NKD2: variants seen among roughly 807,000 people sequenced by gnomAD.
NKD2 encodes NKD inhibitor of Wnt signaling pathway 2, also known as protein naked cuticle homolog 2.
A neutral mutation model predicts 34.8 loss-of-function variants in NKD2; 43 were observed. The ratio of observed to expected loss-of-function variants is 1.24; its 90% CI spans 0.97 to 1.60. The LOEUF (loss-of-function observed/expected upper bound fraction) is 1.60, where lower values mean the gene tolerates loss of function less well. NKD2 is among the 40% of genes most tolerant of loss of function. NKD2 has a pLI of 0.00. For synonymous variants in NKD2, 278 were observed against 265.1 expected (o/e 1.05, Z -0.47); for missense variants, 675 against 627.1 (o/e 1.08, Z -0.82).
chr5:1,033,636 T>G (rs1560997507), intron 5 of NKD2, 137 bp downstream of exon 5: 1 of 1,098,742 alleles, frequency 9.1e-7, no homozygotes, highest in Non-Finnish European at 1.3e-6. Context: ...TCACCCCGTT[T>G]AAGGCATTGA....
At chr5:1,015,594 T>C (rs987645792) in intron 3 of NKD2, among the ~76,000 whole-genome samples, 3 of 152,096 alleles carry the variant, frequency 2.0e-5, no homozygotes, top group African/African-American at 7.2e-5. Flanking sequence ...ATGACACCCC[T>C]AGGGAGTTGG....
In NKD2 at chr5:1,037,693, C is replaced by A. The variant is rs752392533; in HGVS notation, c.788-112C>A. 73 of 1,539,432 alleles carry A rather than the reference C, an allele frequency of 4.7e-5. No individual in the cohort carries two copies. The African/African-American group carries it at 9.2e-4, about 19-fold the overall frequency. On this transcript the variant is annotated intron_variant, in intron 9 of 9. Transcript: ENST00000296849. ...ACTGCAGACTTGGCTAACAGACTGGCCTCAGGTGGGACCCCTGGCGCAGCT... is the reference window on the plus strand; with the variant it reads ...ACTGCAGACTTGGCTAACAGACTGGACTCAGGTGGGACCCCTGGCGCAGCT...
chr5:1,022,038 C>T (rs1363312757), intron 3 of NKD2, among the ~76,000 whole-genome samples: 1 of 150,898 alleles, frequency 6.6e-6, no homozygotes, highest in Non-Finnish European at 1.5e-5. Flanking sequence ...AGGTGCCCTC[C>T]CACCCTCCCC....
chr5:1,033,534 G>GT lies in NKD2; in HGVS notation c.330+36dup, dbSNP rs559403913. 1.0e-4 allele frequency: 160 copies of GT among 1,528,042 alleles called. 1 individual carries two copies. The highest frequency in any genetic ancestry group is 1.0e-3 in the East Asian group (41 of 40,398). 94.7% of individuals were successfully genotyped at this position (1,528,042 alleles called of 1,614,324 possible). ...TCTCCGGCCTCACTTGCGGGAACAC[G>GT]TCCCTGGGGCCGGGGGCTCAGGGAC... On this transcript the variant is annotated intron_variant, in intron 5 of 9. Coordinates refer to ENST00000296849, the MANE Select transcript of NKD2 (RefSeq NM_033120.4).
chr5:1,031,017 G>A (rs925410474), intron 3 of NKD2, among the ~76,000 whole-genome samples: 3 of 152,140 alleles, frequency 2.0e-5, no homozygotes, highest in African/African-American at 7.2e-5. Context: ...TGGGGTGGCA[G>A]CTGGCCAGCC....
intron 8 of NKD2, 162 bp from the exon 9 acceptor site, chr5:1,036,095 A>G: frequency 7.5e-7 from 1 of 1,337,268 alleles, no homozygotes; most frequent in Non-Finnish European, 9.6e-7. Flanking sequence ...ACGGCACTTG[A>G]CTGTCTGTGC....
chr5:1,033,650 A>G (rs1362722464), intron 5 of NKD2, 151 bp downstream of exon 5: 2 of 1,054,396 alleles, frequency 1.9e-6, no homozygotes, highest in East Asian at 2.7e-5. Flanking sequence ...GCATTGAAGC[A>G]GAACTTGAAT....
intron 9 of NKD2, chr5:1,037,391 C>G (rs1285014380): frequency 2.4e-6 from 2 of 842,334 alleles, no homozygotes; most frequent in Admixed American, 2.3e-5. Context: ...AGGGCTCGCA[C>G]TGCACGTTGT....
In NKD2 at chr5:1,033,506, C is replaced by T. The variant is rs374228228; in HGVS notation, c.330+7C>T. 24 of 1,546,046 alleles carry T rather than the reference C, an allele frequency of 1.6e-5. No homozygotes were observed. Among genetic ancestry groups the T allele is most frequent in the Admixed American group, 3.9e-5 (2 of 50,748 alleles). ...GCAGCGCCTCAACATTGACGTGGGT[C>T]TCTCTCCGGCCTCACTTGCGGGAAC... On this transcript the variant is annotated splice_region_variant and intron_variant, in intron 5 of 9. Transcript: ENST00000296849.
chr5:1,016,949 C>G (rs1755980637), intron 3 of NKD2, among the ~76,000 whole-genome samples: 1 of 151,796 alleles, frequency 6.6e-6, no homozygotes, highest in South Asian at 2.1e-4. Flanking sequence ...CAAAGGATAA[C>G]AGAGCAGACC....
In NKD2 at chr5:1,008,861, C is replaced by T. The variant is rs1459582675; in HGVS notation, c.-197C>T. On this transcript the variant is annotated 5_prime_UTR_variant, in exon 1 of 10. Coordinates refer to ENST00000296849, the MANE Select transcript of NKD2 (RefSeq NM_033120.4). ...TCCCCGCGCCCTGCGCCCGGTGGCC[C>T]CCCACCTCCGCCCCGCGGCCGTACC... 2.6e-5 allele frequency: 9 copies of T among 349,282 alleles called. No individual in the cohort carries two copies. The highest frequency in any genetic ancestry group is 3.6e-5 in the Non-Finnish European group (7 of 195,182). The allele number at this position is 349,282 out of a possible 1,614,324, so 21.6% of individuals were successfully genotyped here.
intron 3 of NKD2, among the ~76,000 whole-genome samples, chr5:1,018,887 G>T (rs1462697405): frequency 1.3e-5 from 2 of 152,162 alleles, no homozygotes; most frequent in Non-Finnish European, 1.5e-5. Flanking sequence ...GGGCCCACAG[G>T]GAGGAACATC....
intron 3 of NKD2, among the ~76,000 whole-genome samples, chr5:1,024,099 C>T (rs1756306525): frequency 2.3e-4 from 1 of 4,428 alleles, no homozygotes; most frequent in African/African-American, 2.5e-4. Flanking sequence ...CTCTTCCCAC[C>T]CGCTGTGGGC....
intron 3 of NKD2, among the ~76,000 whole-genome samples, chr5:1,021,253 C>G (rs1756162096): frequency 6.6e-6 from 1 of 152,094 alleles, no homozygotes; most frequent in East Asian, 1.9e-4. Flanking sequence ...GATATGGAGG[C>G]TCCGTCTGAA....
In NKD2 at chr5:1,036,143, G is replaced by C. The variant is rs1733905379; in HGVS notation, c.660-114G>C. The C allele has an allele frequency of 2.2e-6, 3 of 1,377,222 alleles. No individual in the cohort carries two copies. In the Admixed American group the frequency reaches 9.5e-5, roughly 44 times the overall value. The allele number at this position is 1,377,222 out of a possible 1,614,324, so 85.3% of individuals were successfully genotyped here. A position where few individuals can be genotyped will look rare whatever the true frequency, so the allele number is the denominator to read the frequency against. On this transcript the variant is annotated intron_variant, in intron 8 of 9. Coordinates refer to ENST00000296849, the MANE Select transcript of NKD2 (RefSeq NM_033120.4). ...TCTCCTTCCTGCTCTGCGAGGAGGT[G>C]GGTGCTGGTCAGGATGCACCCCGGA...
chr5:1,021,360 C>CT, intron 3 of NKD2, among the ~76,000 whole-genome samples: 1 of 133,726 alleles, frequency 7.5e-6, no homozygotes, highest in South Asian at 2.8e-4. Context: ...ACCCGGCCCC[C>CT]CGCCCCTCCA....
chr5:1,015,237 G>C (rs1295691170), intron 3 of NKD2, among the ~76,000 whole-genome samples: 2 of 152,230 alleles, frequency 1.3e-5, no homozygotes, highest in Non-Finnish European at 2.9e-5. Flanking sequence ...CTGTCAGCAA[G>C]CTCTCACTGG....
chr5:1,036,606 A>C (rs1317185309), intron 9 of NKD2, among the ~76,000 whole-genome samples: 1 of 151,632 alleles, frequency 6.6e-6, no homozygotes, highest in Non-Finnish European at 1.5e-5. Flanking sequence ...CCTGAAAGCA[A>C]GGCGGGCGTC....
chr5:1,028,802 C>CA (rs1756526878), intron 3 of NKD2, among the ~76,000 whole-genome samples: 1 of 138,112 alleles, frequency 7.2e-6, no homozygotes, highest in South Asian at 2.4e-4. Flanking sequence ...GTTGGGCCCT[C>CA]GGGAGGGAGT....
Sources: gnomAD v4.1 joint callset for allele counts (sites outside exome capture counted in the v4.1 genomes callset) on GRCh38, gnomAD v4.1.1 for gene constraint, MANE v1.5 for transcripts, NCBI Gene and HGNC (gene_info 2026-07-23, HGNC 2026-07-21) for gene names.